Variants in SOD2 observed in about 807,000 individuals in gnomAD.
SOD2 encodes superoxide dismutase 2.
A neutral mutation model predicts 27.0 loss-of-function variants in SOD2; 11 were observed. The ratio of observed to expected loss-of-function variants is 0.41; its 90% confidence interval spans 0.26 to 0.67. SOD2 has a LOEUF of 0.67. Among genes scored for constraint, SOD2 ranks in the 30% least tolerant of loss-of-function variants. The probability of loss-of-function intolerance (pLI) is 0.34; values close to 1 mark genes in which losing one functional copy is unlikely to be tolerated. For missense variants in SOD2, 250 were observed against 274.5 expected (o/e 0.91, Z 0.63); for synonymous variants, 105 against 103.0 (o/e 1.02, Z -0.12).
At chr6:159,760,276 A>T (rs955102121) in intron 1 of SOD2, 1 of 152,046 alleles carries the variant, frequency 6.6e-6, no homozygotes, top group Non-Finnish European at 1.5e-5. Context: ...GCTTATAGGA[A>T]ATTTTATTTA....
intron 1 of SOD2, among the ~76,000 whole-genome samples, chr6:159,757,028 A>G (rs1317909806): frequency 6.6e-6 from 1 of 152,208 alleles, no homozygotes; most frequent in African/African-American, 2.4e-5. Context: ...TACTAACAAC[A>G]TATCTGGTAA....
At chr6:159,694,831 T>A (rs946270904), upstream of SOD2, among the ~76,000 whole-genome samples, 3 of 151,556 alleles carry the variant, frequency 2.0e-5, no homozygotes, top group Non-Finnish European at 4.4e-5. Context: ...CTCGAACGCC[T>A]GACCTCAAGT....
At chr6:159,761,702 T>A (rs556869691) in exon 1 of SOD2, 145 of 375,886 alleles carry the variant, frequency 3.9e-4, no homozygotes, top group South Asian at 1.8e-3. Flanking sequence ...TAAGATTTTT[T>A]AAAAAAAAGC....
chr6:159,728,602 C>T (rs949842673), upstream of SOD2, among the ~76,000 whole-genome samples: 3 of 152,070 alleles, frequency 2.0e-5, no homozygotes, highest in African/African-American at 4.8e-5. Flanking sequence ...AAATTTTGAC[C>T]ATTAAGTTTT....
At chr6:159,738,866 C>CA (rs1779074561) in intron 1 of SOD2, 2 of 585,568 alleles carry the variant, frequency 3.4e-6, no homozygotes, top group Non-Finnish European at 5.5e-6. Flanking sequence ...AATACTTTTT[C>CA]AAAAAATCAT....
intron 1 of SOD2, among the ~76,000 whole-genome samples, chr6:159,733,559 T>C (rs756205051): frequency 1.2e-4 from 18 of 151,256 alleles, no homozygotes; most frequent in Non-Finnish European, 1.9e-4. Context: ...GAGGTCAAGA[T>C]TGCAGTGAGC....
At position 159,676,430 on chromosome 6, in the gene SOD2, A is replaced by G. The variant is rs1779781683; in HGVS notation, c.*6063T>C. On this transcript the variant is annotated 3_prime_UTR_variant, in exon 5 of 5. Coordinates refer to ENST00000538183, the MANE Select transcript of SOD2 (RefSeq NM_000636.4). Reference sequence around the variant, plus strand: ...TACTATGCAGCCATAAAAAAGGAAGAGTTCATGTCCTTTATAGGGACATGG... The same window carrying G: ...TACTATGCAGCCATAAAAAAGGAAGGGTTCATGTCCTTTATAGGGACATGG... 1 of 152,210 alleles carries G rather than the reference A, an allele frequency of 6.6e-6. No individual in the cohort carries two copies. Among genetic ancestry groups the G allele is most frequent in the Admixed American group, 6.5e-5 (1 of 15,284 alleles). The allele number at this position is 152,210 out of a possible 1,614,324, so 9.4% of individuals were successfully genotyped here.
At chr6:159,732,849 T>TC (rs1778661048) in intron 1 of SOD2, among the ~76,000 whole-genome samples, 2 of 126,440 alleles carry the variant, frequency 1.6e-5, no homozygotes, top group East Asian at 2.5e-4. Flanking sequence ...TGTCTGCTTC[T>TC]TTCTCTCTCT....
At chr6:159,713,678 A>G in intron 1 of SOD2, 1 of 941,590 alleles carries the variant, frequency 1.1e-6, no homozygotes, top group Non-Finnish European at 1.7e-6. Context: ...CGTTGGCAGT[A>G]TCAGGACTAT....
intron 1 of SOD2, chr6:159,755,140 G>C: frequency 6.2e-7 from 1 of 1,614,132 alleles, no homozygotes; most frequent in East Asian, 2.2e-5. Flanking sequence ...CTCAGTACCA[G>C]CAGCAGCAGT....
intron 1 of SOD2, among the ~76,000 whole-genome samples, chr6:159,740,943 CT>C (rs1779221707): frequency 2.0e-5 from 3 of 152,028 alleles, no homozygotes; most frequent in Non-Finnish European, 4.4e-5. Context: ...ACCTCATGAT[CT>C]GCCCGCCTCG....
In SOD2 at chr6:159,711,182, A is replaced by G. The variant is rs375366592; in HGVS notation, c.-116+15947T>C. Among the ~76,000 whole-genome samples the G allele has an allele frequency of 3.7e-3, 271 of 73,988 alleles. 1 individual carries two copies. Among genetic ancestry groups the G allele is most frequent in the African/African-American group, 0.019 (242 of 12,424 alleles). The allele number at this position is 73,988 out of a possible 152,430, so 48.5% of individuals were successfully genotyped here. On this transcript the variant is annotated intron_variant, in intron 1 of 2. Coordinates refer to the SOD2 transcript ENST00000401980. ...TCACATTGCTCTGATCACCATAACC[A>G]CCTCCACAACCACCACTCACATTGC...
upstream of SOD2, among the ~76,000 whole-genome samples, chr6:159,731,581 A>T (rs1052537265): frequency 6.6e-6 from 1 of 152,254 alleles, no homozygotes; most frequent in Admixed American, 6.5e-5. Flanking sequence ...GGACAGTATG[A>T]TTATTATCCT....
chr6:159,751,195 A>G (rs1382006390), intron 1 of SOD2, among the ~76,000 whole-genome samples: 1 of 152,242 alleles, frequency 6.6e-6, no homozygotes, highest in African/African-American at 2.4e-5. Flanking sequence ...TTATTTTACT[A>G]ATCACTAGTT....
intron 1 of SOD2, among the ~76,000 whole-genome samples, chr6:159,704,087 C>T (rs139911279): frequency 3.9e-5 from 6 of 152,330 alleles, no homozygotes; most frequent in African/African-American, 1.4e-4. Context: ...AGATCAAGAT[C>T]ATCCTGGCCA....
Position 159,678,556 on chromosome 6 carries a change from C to A in SOD2, c.*3937G>T, listed in dbSNP as rs1779828057. On this transcript the variant is annotated 3_prime_UTR_variant, in exon 5 of 5. Transcript: ENST00000538183. Reference sequence around the variant, plus strand: ...TAAAAAAATAAATAAATGAAATATCCTTTACAATAAATTAGTATTGTAACC... The same window carrying A: ...TAAAAAAATAAATAAATGAAATATCATTTACAATAAATTAGTATTGTAACC... 6.6e-6 allele frequency: 1 copy of A among 152,122 alleles called. No individual in the cohort carries two copies. The highest frequency in any genetic ancestry group is 1.5e-5 in the Non-Finnish European group (1 of 68,020). 9.4% of individuals were successfully genotyped at this position (152,122 alleles called of 1,614,324 possible).
At chr6:159,722,749 A>C (rs913092985) in intron 1 of SOD2, among the ~76,000 whole-genome samples, 9 of 152,210 alleles carry the variant, frequency 5.9e-5, no homozygotes, top group Non-Finnish European at 1.3e-4. Context: ...TAGCCCAGTA[A>C]ACCAACCACT....
chr6:159,702,076 GC>G (rs1303988478), intron 1 of SOD2, among the ~76,000 whole-genome samples: 1 of 152,166 alleles, frequency 6.6e-6, no homozygotes, highest in Non-Finnish European at 1.5e-5. Context: ...AAATATGGAT[GC>G]CCCAAATAAG....
chr6:159,707,688 A>G (rs1332531476), intron 1 of SOD2, among the ~76,000 whole-genome samples: 1 of 152,238 alleles, frequency 6.6e-6, no homozygotes, highest in African/African-American at 2.4e-5. Flanking sequence ...TACCAGAGGT[A>G]CAAGGAGGAG....
Sources: gnomAD v4.1 joint callset for allele counts (sites outside exome capture counted in the v4.1 genomes callset) on GRCh38, gnomAD v4.1.1 for gene constraint, MANE v1.5 for transcripts, NCBI Gene and HGNC (gene_info 2026-07-23, HGNC 2026-07-21) for gene names.